Variants in IDO1 observed in about 807,000 individuals in gnomAD.
IDO1 encodes indolamine 2,3 dioxygenase.
IDO1 carries 35 observed loss-of-function variants against 38.8 expected under a neutral mutation model. That is an observed-to-expected ratio of 0.90 (90% confidence interval 0.69 to 1.20). The LOEUF is 1.20. Ranked by LOEUF, IDO1 falls within the 50% of genes most tolerant of loss-of-function variation. The pLI is 0.00. For synonymous variants in IDO1, 171 were observed against 170.0 expected (o/e 1.01, Z -0.05); for missense variants, 509 against 485.1 (o/e 1.05, Z -0.46).
At position 39,923,390 on chromosome 8, in the gene IDO1, C is replaced by T. The variant is rs181288687; in HGVS notation, c.538-79C>T. On this transcript the variant is annotated intron_variant, in intron 6 of 9. Transcript: ENST00000518237. ...CTGCACCCCAGCCTGGACAACTGAG[C>T]GAGACTCCGTCTCAAAAAAAAAAAA... 2,574 of 836,908 alleles carry T rather than the reference C, an allele frequency of 3.1e-3. 47 individuals are homozygous for T. The African/African-American group carries it at 0.047, about 15-fold the overall frequency. The allele number at this position is 836,908 out of a possible 1,614,324, so 51.8% of individuals were successfully genotyped here.
intron 4 of IDO1, 62 bp from the exon 5 acceptor site, chr8:39,920,038 T>C (rs1807248749): frequency 7.1e-7 from 1 of 1,400,238 alleles, no homozygotes; most frequent in Non-Finnish European, 1.0e-6. Flanking sequence ...CATTATTTGA[T>C]GTTAAATTGG....
chr8:39,928,449 G>A lies in IDO1; in HGVS notation c.*264G>A, dbSNP rs1807400286. The A allele has an allele frequency of 1.0e-5, 3 of 293,448 alleles. No individual in the cohort carries two copies. In the South Asian group the frequency reaches 1.6e-4, roughly 16 times the overall value. The allele number at this position is 293,448 out of a possible 1,614,324, so 18.2% of individuals were successfully genotyped here. A position where few individuals can be genotyped will look rare whatever the true frequency, so the allele number is the denominator to read the frequency against. On this transcript the variant is annotated 3_prime_UTR_variant, in exon 10 of 10. Coordinates refer to ENST00000518237, the MANE Select transcript of IDO1 (RefSeq NM_002164.6). ...AATAAAAATGCATAAGATATATTCT[G>A]TCGGCTGGGCGCGGTGGCTCACGCC...
chr8:39,925,392 A>G, intron 9 of IDO1, 21 bp downstream of exon 9: 1 of 1,601,556 alleles, frequency 6.2e-7, no homozygotes, highest in Non-Finnish European at 8.5e-7. Flanking sequence ...AATAACAAGA[A>G]ATAATTATCT....
intron 9 of IDO1, 84 bp from the exon 10 acceptor site, chr8:39,927,746 C>T (rs1807388277): frequency 4.0e-6 from 3 of 757,318 alleles, no homozygotes; most frequent in Non-Finnish European, 6.2e-6. Context: ...TGATCTCCTG[C>T]CCACTCTGAC....
At chr8:39,915,526 C>T (rs1321154295) in intron 1 of IDO1, 2 of 152,132 alleles carry the variant, frequency 1.3e-5, no homozygotes, top group Non-Finnish European at 2.9e-5. Context: ...TTTTCCTCTT[C>T]AGATTGTTAA....
chr8:39,920,187 C>T (rs778834491), intron 5 of IDO1, 73 bp downstream of exon 5: 1 of 1,165,234 alleles, frequency 8.6e-7, no homozygotes, highest in Non-Finnish European at 1.2e-6. Context: ...TATCAATAGA[C>T]TCCAAATGCA....
At position 39,923,510 on chromosome 8, in the gene IDO1, G is replaced by C. The variant is rs1807310243; in HGVS notation, c.579G>C (p.Arg193=). The change falls in exon 7 of 10, where the codon CGG becomes CGC. Residue 193 remains arginine (R), a synonymous_variant. Coordinates refer to ENST00000518237, the MANE Select transcript of IDO1 (RefSeq NM_002164.6). ...TCAAGGCAATGCAAATGCAAGAACGGGACACTTTGCTAAAGGCGCTGTTGG... is the reference window on the plus strand; with the variant it reads ...TCAAGGCAATGCAAATGCAAGAACGCGACACTTTGCTAAAGGCGCTGTTGG... ...TVFKAMQMQE[R]DTLLKALLEI... 5 of 1,613,370 alleles carry C rather than the reference G, an allele frequency of 3.1e-6. No homozygotes were observed. Among genetic ancestry groups the C allele is most frequent in the Non-Finnish European group, 4.2e-6 (5 of 1,179,346 alleles).
chr8:39,924,821 A>G, intron 8 of IDO1, 49 bp downstream of exon 8: 1 of 1,351,534 alleles, frequency 7.4e-7, no homozygotes, highest in South Asian at 1.2e-5. Flanking sequence ...AACAAAGAAC[A>G]CCACCAAATT....
intron 4 of IDO1, 182 bp downstream of exon 4, chr8:39,919,115 A>C (rs904881739): frequency 2.7e-6 from 2 of 734,536 alleles, no homozygotes; most frequent in Non-Finnish European, 2.5e-6. Context: ...AAATGTACAC[A>C]TATGTGACAG....
chr8:39,921,581 C>T (rs990960948), intron 5 of IDO1, among the ~76,000 whole-genome samples: 8 of 152,154 alleles, frequency 5.3e-5, no homozygotes, highest in Non-Finnish European at 1.0e-4. Context: ...CAGTCAGTCT[C>T]ACTTTACAGA....
intron 8 of IDO1, 116 bp from the exon 9 acceptor site, chr8:39,925,107 T>A: frequency 1.0e-6 from 1 of 955,676 alleles, no homozygotes. Context: ...GAAAAAAGGA[T>A]CATGAAATCC....
chr8:39,924,271 G>C (rs1807324067), intron 7 of IDO1, among the ~76,000 whole-genome samples: 1 of 152,104 alleles, frequency 6.6e-6, no homozygotes. Flanking sequence ...GGAGGCTGAG[G>C]TGGGAAGATT....
rs745461399 is a variant in IDO1, at chr8:39,922,561, C to T, written c.447C>T (p.Asp149=). The change falls in exon 6 of 10, where the codon GAC becomes GAT. Residue 149 remains aspartate (D), a synonymous_variant. Coordinates refer to ENST00000518237, the MANE Select transcript of IDO1 (RefSeq NM_002164.6). ...TATCCAATTTCCTCAGGAACATGGA[C>T]GTTTTGTTCTCATTTCGTGATGGAG... ...PNKPLTYENM[D]VLFSFRDGDC... 11 of 1,611,204 alleles carry T rather than the reference C, an allele frequency of 6.8e-6. No individual in the cohort carries two copies. Among genetic ancestry groups the T allele is most frequent in the African/African-American group, 2.7e-5 (2 of 74,870 alleles).
Position 39,921,610 on chromosome 8 carries a change from C to T in IDO1, c.438-942C>T, listed in dbSNP as rs150943805. On this transcript the variant is annotated intron_variant, in intron 5 of 9. Coordinates refer to ENST00000518237, the MANE Select transcript of IDO1 (RefSeq NM_002164.6). Reference sequence around the variant, plus strand: ...TTACAGATGAGAACACCAAGGCAGACGGTGTCATATCTTGCTCAAGGTCAC... The same window carrying T: ...TTACAGATGAGAACACCAAGGCAGATGGTGTCATATCTTGCTCAAGGTCAC... Among the ~76,000 whole-genome samples the T allele has an allele frequency of 2.8e-4, 42 of 152,218 alleles. No homozygotes were observed. In the East Asian group the frequency reaches 4.8e-3, roughly 17 times the overall value.
Position 39,928,732 on chromosome 8 carries a change from C to CAA in IDO1, c.*563_*564dup, listed in dbSNP as rs34719328. Among the ~76,000 whole-genome samples the CAA allele has an allele frequency of 1.5e-4, 11 of 72,092 alleles. No individual in the cohort carries two copies. The highest frequency in any genetic ancestry group is 3.1e-4 in the Admixed American group (2 of 6,430). 47.3% of individuals were successfully genotyped at this position (72,092 alleles called of 152,430 possible). On this transcript the variant is annotated 3_prime_UTR_variant, in exon 10 of 10. Transcript: ENST00000518237. ...TGGGCTAAAGAGCGGGACTCCGTCT[C>CAA]AAAAAAAAAAAAAAAAAGATATATT...
Position 39,919,798 on chromosome 8 carries a change from C to A in IDO1, c.423-302C>A, listed in dbSNP as rs181943760. ...GAGGCTGCAGTGAGCCATGTTCGTG[C>A]CACTGCACACCAGCCTGGGTGACAG... is the stretch of plus-strand genomic sequence containing the variant. On this transcript the variant is annotated intron_variant, in intron 4 of 9. Coordinates refer to ENST00000518237, the MANE Select transcript of IDO1 (RefSeq NM_002164.6). Among the ~76,000 whole-genome samples, 849 of 152,164 alleles carry A rather than the reference C, an allele frequency of 5.6e-3. 10 individuals are homozygous for A. The highest frequency in any genetic ancestry group is 0.019 in the African/African-American group (804 of 41,506).
At position 39,925,239 on chromosome 8, in the gene IDO1, C is replaced by G. The variant is rs771986770; in HGVS notation, c.724C>G (p.Gln242Glu). ...IYLSGWKGNP[Q>E]LSDGLVYEGF... ...CTCTGATAGCTGGAAAGGCAACCCC[C>G]AGCTATCAGACGGTCTGGTGTATGA... The change falls in exon 9 of 10, where the codon CAG becomes GAG. Residue 242 changes from glutamine (Q) to glutamate (E), a missense_variant. Transcript: ENST00000518237. 1.9e-6 allele frequency: 3 copies of G among 1,595,178 alleles called. No individual in the cohort carries two copies. The highest frequency in any genetic ancestry group is 1.8e-4 in the Middle Eastern group (1 of 5,604).
At chr8:39,925,190 G>T in intron 8 of IDO1, 33 bp from the exon 9 acceptor site, 3 of 1,547,640 alleles carry the variant, frequency 1.9e-6, no homozygotes, top group South Asian at 1.2e-5. Context: ...CCTAAAGAAT[G>T]ATTTTTCTTT....
intron 1 of IDO1, chr8:39,914,311 A>C: frequency 4.9e-6 from 1 of 204,474 alleles, no homozygotes. Flanking sequence ...AATACAAACA[A>C]TGAGGTTATT....
Sources: gnomAD v4.1 joint callset for allele counts (sites outside exome capture counted in the v4.1 genomes callset) on GRCh38, gnomAD v4.1.1 for gene constraint, MANE v1.5 for transcripts, NCBI Gene and HGNC (gene_info 2026-07-23, HGNC 2026-07-21) for gene names.